The following TSPAN18 variants were observed in gnomAD, a reference collection of about 807,000 sequenced individuals.
TSPAN18 encodes tetraspanin 18.
A neutral mutation model predicts 27.3 loss-of-function variants in TSPAN18; 14 were observed. That is an observed-to-expected ratio of 0.51 (90% CI 0.34 to 0.80). The LOEUF is 0.80. Among genes scored for constraint, TSPAN18 ranks in the 30% least tolerant of loss-of-function variants. The pLI is 0.01. For synonymous variants in TSPAN18, 143 were observed against 136.5 expected (o/e 1.05, Z -0.33); for missense variants, 268 against 323.9 (o/e 0.83, Z 1.32).
rs191192808 is a variant in TSPAN18, at chr11:44,924,756, G to C, written c.616-1918G>C. On this transcript the variant is annotated intron_variant, in intron 8 of 9. Transcript: ENST00000520358. ...TGCTTCAAAATCGCTTCACATGGGAGGGGGGAGGGATAGCATTAGGAGATA... is the reference window on the plus strand; with the variant it reads ...TGCTTCAAAATCGCTTCACATGGGACGGGGGAGGGATAGCATTAGGAGATA... Among the ~76,000 whole-genome samples the C allele has an allele frequency of 7.1e-4, 105 of 146,956 alleles. No homozygotes were observed. The East Asian group carries it at 0.014, about 20-fold the overall frequency.
chr11:44,910,319 C>T (rs147359286), intron 5 of TSPAN18, among the ~76,000 whole-genome samples: 61 of 152,376 alleles, frequency 4.0e-4, no homozygotes, highest in Middle Eastern at 6.8e-3. Context: ...TGTCCGCATG[C>T]CAGGAAACTC....
chr11:44,878,157 A>T (rs914329703), intron 3 of TSPAN18, among the ~76,000 whole-genome samples: 1 of 152,016 alleles, frequency 6.6e-6, no homozygotes, highest in Non-Finnish European at 1.5e-5. Flanking sequence ...GCTCCACCCC[A>T]GACACCCCAG....
At chr11:44,783,387 A>C (rs1037266796) in intron 2 of TSPAN18, among the ~76,000 whole-genome samples, 5 of 149,096 alleles carry the variant, frequency 3.4e-5, no homozygotes, top group African/African-American at 1.2e-4. Context: ...ATATACCAAG[A>C]CTCTTTCTTT....
intron 2 of TSPAN18, among the ~76,000 whole-genome samples, chr11:44,795,290 C>T (rs1357544814): frequency 6.6e-6 from 1 of 152,172 alleles, no homozygotes; most frequent in Non-Finnish European, 1.5e-5. Flanking sequence ...CATCCAAGGG[C>T]TGCTGCCTCA....
rs182025403 is a variant in TSPAN18 at position 44,745,695 on chromosome 11, C to T, written c.-240+18408C>T. On this transcript the variant is annotated intron_variant, in intron 1 of 9. Transcript: ENST00000520358. ...TACACTTCAGATCTGTGTACTGTTC[C>T]CTCTCTGTTATACTTCAACGAAAAA... Among the ~76,000 whole-genome samples, 309 of 152,188 alleles carry T rather than the reference C, an allele frequency of 2.0e-3. 1 individual carries two copies. The highest frequency in any genetic ancestry group is 3.3e-3 in the Non-Finnish European group (226 of 68,016).
At chr11:44,851,620 C>CCCG (rs1554991785) in intron 2 of TSPAN18, among the ~76,000 whole-genome samples, 1 of 148,006 alleles carries the variant, frequency 6.8e-6, no homozygotes, top group Non-Finnish European at 1.5e-5. Flanking sequence ...TCACCTCCCC[C>CCCG]CCCCAACGGC....
At chr11:44,911,193 G>A (rs1859699263) in intron 5 of TSPAN18, among the ~76,000 whole-genome samples, 3 of 152,316 alleles carry the variant, frequency 2.0e-5, no homozygotes, top group Middle Eastern at 6.8e-3. Flanking sequence ...GCTTGCGGAT[G>A]CTCCTCATGG....
At chr11:44,749,267 G>A (rs1054872493) in intron 1 of TSPAN18, among the ~76,000 whole-genome samples, 2 of 152,226 alleles carry the variant, frequency 1.3e-5, no homozygotes, top group Non-Finnish European at 2.9e-5. Flanking sequence ...CCCCATTTGC[G>A]AAATGGAGAG....
In TSPAN18 at chr11:44,915,776, G is replaced by A. The variant is rs1859883053; in HGVS notation, c.259-2196G>A. 3.9e-5 allele frequency among the ~76,000 whole-genome samples: 6 copies of A among 152,348 alleles called. No homozygotes were observed. In the South Asian group the frequency reaches 1.2e-3, roughly 32 times the overall value. Reference sequence around the variant, plus strand: ...CAAAGCTCCAAAGAGCTCTGCACCTGTGGAGTAGTCACTTCCCTTCTCCAG... The same window carrying A: ...CAAAGCTCCAAAGAGCTCTGCACCTATGGAGTAGTCACTTCCCTTCTCCAG... On this transcript the variant is annotated intron_variant, in intron 5 of 9. Transcript: ENST00000520358.
intron 5 of TSPAN18, among the ~76,000 whole-genome samples, chr11:44,913,519 T>G (rs79480800): frequency 2.3e-3 from 344 of 152,364 alleles, no homozygotes; most frequent in African/African-American, 7.7e-3. Flanking sequence ...TTAAAAATTC[T>G]AATTTTAAAA....
At chr11:44,875,557 T>C (rs1351415665) in intron 3 of TSPAN18, among the ~76,000 whole-genome samples, 2 of 152,246 alleles carry the variant, frequency 1.3e-5, no homozygotes, top group African/African-American at 4.8e-5. Context: ...ATTGAGAAGA[T>C]GTTACAGCAT....
chr11:44,889,451 G>C (rs935292850), intron 3 of TSPAN18, among the ~76,000 whole-genome samples: 1 of 152,216 alleles, frequency 6.6e-6, no homozygotes, highest in Non-Finnish European at 1.5e-5. Flanking sequence ...CCAGCCCCAG[G>C]CTCTCTCTGG....
At chr11:44,825,852 G>A (rs960145730) in intron 2 of TSPAN18, among the ~76,000 whole-genome samples, 10 of 152,182 alleles carry the variant, frequency 6.6e-5, no homozygotes, top group South Asian at 2.1e-4. Flanking sequence ...TTGGATGCTC[G>A]CTCTGTCTAC....
At chr11:44,900,680 CTTTTTTTTTTTTTTTTTTT>C (rs72469181) in intron 3 of TSPAN18, among the ~76,000 whole-genome samples, 2 of 49,702 alleles carry the variant, frequency 4.0e-5, no homozygotes, top group African/African-American at 1.8e-4. Flanking sequence ...TTGAGGAAGG[CTTTTTTTTTTTTTTTTTTT>C]TTTTTTTTTT....
intron 1 of TSPAN18, among the ~76,000 whole-genome samples, chr11:44,740,124 C>G (rs78050712): frequency 0.027 from 4,100 of 152,306 alleles, 72 homozygotes; most frequent in Non-Finnish European, 0.044. Flanking sequence ...GCCTGGCCCT[C>G]TCCGATCTCT....
At chr11:44,727,695 G>C (rs926005667) in intron 1 of TSPAN18, among the ~76,000 whole-genome samples, 1 of 152,216 alleles carries the variant, frequency 6.6e-6, no homozygotes, top group African/African-American at 2.4e-5. Flanking sequence ...AAGACAGTGA[G>C]GGACCAGGGA....
At chr11:44,906,375 T>A (rs1398297060) in intron 3 of TSPAN18, 32 bp from the exon 4 acceptor site, 6 of 1,609,786 alleles carry the variant, frequency 3.7e-6, no homozygotes, top group Non-Finnish European at 4.3e-6. Flanking sequence ...GGGTCCCCCA[T>A]CGGGAAGACT....
Position 44,799,079 on chromosome 11 carries a change from G to T in TSPAN18, c.-153+34567G>T, listed in dbSNP as rs1399402707. 6.9e-5 allele frequency among the ~76,000 whole-genome samples: 9 copies of T among 130,956 alleles called. No homozygotes were observed. In the East Asian group the frequency reaches 1.2e-3, roughly 17 times the overall value. 85.9% of individuals were successfully genotyped at this position (130,956 alleles called of 152,430 possible). A position where few individuals can be genotyped will look rare whatever the true frequency, so the allele number is the denominator to read the frequency against. ...TCACCCTTGCCCTCCCTTGTTTTTT[G>T]TTCCTCTGGGAGCTCCCCAGAGAGT... On this transcript the variant is annotated intron_variant, in intron 2 of 9. Transcript: ENST00000520358.
chr11:44,742,224 T>C (rs1295050008), intron 1 of TSPAN18, among the ~76,000 whole-genome samples: 3 of 151,296 alleles, frequency 2.0e-5, no homozygotes. Context: ...GTCCTTGGTG[T>C]TGCTTCTTGT....
Sources: gnomAD v4.1 joint callset for allele counts (sites outside exome capture counted in the v4.1 genomes callset) on GRCh38, gnomAD v4.1.1 for gene constraint, MANE v1.5 for transcripts, NCBI Gene and HGNC (gene_info 2026-07-23, HGNC 2026-07-21) for gene names.